Variants in NOL4 observed in about 807,000 individuals in gnomAD.
The protein encoded by NOL4 is nucleolar protein 4.
A neutral mutation model predicts 75.9 loss-of-function variants in NOL4; 17 were observed. The ratio of observed to expected loss-of-function variants is 0.22; its 90% CI spans 0.15 to 0.34. NOL4 has a LOEUF of 0.34. NOL4 is among the 10% of genes least tolerant of loss of function. The pLI is 1.00. For synonymous variants in NOL4, 292 were observed against 289.9 expected, an observed-to-expected ratio of 1.01 and a Z score of -0.07; for missense variants, 614 against 793.5, an observed-to-expected ratio of 0.77 and a Z score of 2.72.
intron 6 of NOL4, among the ~76,000 whole-genome samples, chr18:33,972,913 C>T (rs538519264): frequency 1.8e-4 from 28 of 152,268 alleles, no homozygotes; most frequent in African/African-American, 5.1e-4. Flanking sequence ...GGTTGCTGAC[C>T]GATCAGCATG....
At chr18:33,968,122 A>T (rs904993802) in intron 6 of NOL4, among the ~76,000 whole-genome samples, 13 of 151,994 alleles carry the variant, frequency 8.6e-5, no homozygotes, top group Non-Finnish European at 1.8e-4. Flanking sequence ...AAATTAAAAT[A>T]AAAAAATAGC....
At chr18:34,037,701 T>A (rs1411440747) in intron 5 of NOL4, among the ~76,000 whole-genome samples, 1 of 152,040 alleles carries the variant, frequency 6.6e-6, no homozygotes, top group Non-Finnish European at 1.5e-5. Context: ...GAAATTTAAA[T>A]ACTCATATGC....
chr18:34,045,710 C>A (rs1481307688), intron 5 of NOL4, among the ~76,000 whole-genome samples: 2 of 151,988 alleles, frequency 1.3e-5, no homozygotes, highest in Non-Finnish European at 2.9e-5. Context: ...AGCATAAATC[C>A]CAAAATTTAA....
At chr18:33,931,170 G>A (rs1181815455) in intron 9 of NOL4, among the ~76,000 whole-genome samples, 1 of 152,088 alleles carries the variant, frequency 6.6e-6, no homozygotes, top group Non-Finnish European at 1.5e-5. Context: ...CTTAAAAGTG[G>A]AAATAACAGA....
At chr18:34,041,059 G>A (rs1395251706) in intron 5 of NOL4, among the ~76,000 whole-genome samples, 2 of 151,808 alleles carry the variant, frequency 1.3e-5, no homozygotes, top group African/African-American at 4.8e-5. Context: ...TTCTATTGCA[G>A]GTCCAATAAC....
At chr18:34,222,725 GCC>G (rs1330284545) in intron 1 of NOL4, among the ~76,000 whole-genome samples, 2 of 151,728 alleles carry the variant, frequency 1.3e-5, no homozygotes, top group Admixed American at 1.3e-4. Context: ...AGCTCCTGCA[GCC>G]GGTCCGGGAA....
intron 5 of NOL4, among the ~76,000 whole-genome samples, chr18:34,053,542 A>G (rs2076711579): frequency 6.6e-6 from 1 of 152,090 alleles, no homozygotes; most frequent in African/African-American, 2.4e-5. Context: ...GTGCCCCCTT[A>G]TCTGCTGGAA....
In NOL4 at chr18:34,165,402, C is replaced by T. The variant is rs532512056; in HGVS notation, c.265-35382G>A. Among the ~76,000 whole-genome samples, 4 of 152,186 alleles carry T rather than the reference C, an allele frequency of 2.6e-5. No individual in the cohort carries two copies. The South Asian group carries it at 8.3e-4, about 31-fold the overall frequency. ...GAAAGTAAGTAGAAAAGCTTTTAGTCTTCTGGACTGGTTCTTCTGCCATTT... is the reference window on the plus strand; with the variant it reads ...GAAAGTAAGTAGAAAAGCTTTTAGTTTTCTGGACTGGTTCTTCTGCCATTT... On this transcript the variant is annotated intron_variant, in intron 1 of 10. Transcript: ENST00000261592.
chr18:34,084,819 G>T (rs2078172372), intron 5 of NOL4, among the ~76,000 whole-genome samples: 1 of 152,118 alleles, frequency 6.6e-6, no homozygotes, highest in South Asian at 2.1e-4. Flanking sequence ...CCCCTACGTT[G>T]TAGTTGATTT....
intron 10 of NOL4, among the ~76,000 whole-genome samples, chr18:33,853,559 T>C (rs2062712199): frequency 6.6e-6 from 1 of 152,126 alleles, no homozygotes. Flanking sequence ...TTTGACAACG[T>C]TTAAGTGGCA....
chr18:34,182,921 A>G (rs2034156008), intron 1 of NOL4, among the ~76,000 whole-genome samples: 1 of 151,826 alleles, frequency 6.6e-6, no homozygotes. Context: ...TGAACTATAG[A>G]GTAAATTTAA....
intron 4 of NOL4, among the ~76,000 whole-genome samples, chr18:34,102,027 G>T (rs989543742): frequency 6.6e-6 from 1 of 151,044 alleles, no homozygotes; most frequent in South Asian, 2.1e-4. Context: ...ATATATACCT[G>T]CCTCAGGAAG....
At chr18:34,089,988 G>T (rs2078436052) in intron 5 of NOL4, among the ~76,000 whole-genome samples, 1 of 151,910 alleles carries the variant, frequency 6.6e-6, no homozygotes, top group African/African-American at 2.4e-5. Context: ...AGCTCTAAAA[G>T]AAAGGTAATG....
rs2032402071 is a variant in NOL4, at chr18:34,166,770, G to A, written c.265-36750C>T. 5.2e-5 allele frequency among the ~76,000 whole-genome samples: 2 copies of A among 38,188 alleles called. 1 individual carries two copies. The highest frequency in any genetic ancestry group is 1.7e-4 in the African/African-American group (2 of 11,470). The allele number at this position is 38,188 out of a possible 152,430, so 25.1% of individuals were successfully genotyped here. On this transcript the variant is annotated intron_variant, in intron 1 of 10. Transcript: ENST00000261592. ...AGTAAAAAAAAGGCCGGGCGCGGTG[G>A]CTCACGCCTGTAATCCCAGCACTTT...
rs74739881 is a variant in NOL4, at chr18:34,057,074, G to A, written c.772+36391C>T. Among the ~76,000 whole-genome samples, 1,506 of 152,240 alleles carry A rather than the reference G, an allele frequency of 9.9e-3. 16 individuals carry two copies. The highest frequency in any genetic ancestry group is 0.015 in the Non-Finnish European group (1,052 of 68,010). On this transcript the variant is annotated intron_variant, in intron 5 of 10. Coordinates refer to ENST00000261592, the MANE Select transcript of NOL4 (RefSeq NM_003787.5). ...AGGAGGAAGTCCTGGAGTGCTTAAT[G>A]AACCCTGACATGTCCCTCTTAAAGG...
intron 6 of NOL4, among the ~76,000 whole-genome samples, chr18:34,003,686 C>G (rs111368520): frequency 2.5e-3 from 380 of 152,156 alleles, no homozygotes; most frequent in Middle Eastern, 0.017. Flanking sequence ...TAGTGCCCAT[C>G]ATTCTCATAC....
chr18:33,954,948 A>G (rs951957949), intron 8 of NOL4, among the ~76,000 whole-genome samples: 1 of 152,110 alleles, frequency 6.6e-6, no homozygotes, highest in Admixed American at 6.5e-5. Flanking sequence ...AAGATTATAA[A>G]TAAAGATCTT....
At chr18:34,175,405 T>C (rs1165871233) in intron 1 of NOL4, among the ~76,000 whole-genome samples, 1 of 152,068 alleles carries the variant, frequency 6.6e-6, no homozygotes, top group Non-Finnish European at 1.5e-5. Context: ...AATCAAATAG[T>C]AAACTAAACA....
Position 34,113,149 on chromosome 18 carries a change from T to C in NOL4, c.415-7989A>G, listed in dbSNP as rs145731451. On this transcript the variant is annotated intron_variant, in intron 2 of 10. Transcript: ENST00000261592. ...TAAGCCCAACTTTTTTTGTTTTGTT[T>C]TGTTTTGTTTGGTGAAGATGGGGTC... Among the ~76,000 whole-genome samples the C allele has an allele frequency of 5.7e-3, 870 of 152,072 alleles. 8 individuals are homozygous for C. The highest frequency in any genetic ancestry group is 0.02 in the African/African-American group (821 of 41,480).
Sources: gnomAD v4.1 joint callset for allele counts (sites outside exome capture counted in the v4.1 genomes callset) on GRCh38, gnomAD v4.1.1 for gene constraint, MANE v1.5 for transcripts, NCBI Gene and HGNC (gene_info 2026-07-23, HGNC 2026-07-21) for gene names.